Variants in NRG1 observed in about 807,000 individuals in gnomAD.
NRG1 encodes the protein neuregulin 1, also known as pro-neuregulin-1, membrane-bound isoform.
NRG1 carries 18 observed loss-of-function variants against 63.8 expected under a neutral mutation model. The ratio of observed to expected loss-of-function variants is 0.28; its 90% CI spans 0.19 to 0.42. The LOEUF (loss-of-function observed/expected upper bound fraction) is 0.42, where lower values mean the gene tolerates loss of function less well. Ranked by LOEUF, NRG1 falls within the 10% of genes least tolerant of loss-of-function variation. The pLI, the probability that NRG1 is intolerant of heterozygous loss-of-function variation, is 1.00. For missense variants in NRG1, 762 were observed against 814.7 expected, an observed-to-expected ratio of 0.94 and a Z score of 0.79; for synonymous variants, 302 against 301.3, an observed-to-expected ratio of 1.00 and a Z score of -0.02.
intron 11 of NRG1, chr8:32,763,156 C>A: frequency 6.5e-7 from 1 of 1,540,296 alleles, no homozygotes. Context: ...GAAAAGCACA[C>A]AAATGTATGA....
chr8:31,872,675 TC>T (rs1449998658), intron 1 of NRG1, among the ~76,000 whole-genome samples: 1 of 152,204 alleles, frequency 6.6e-6, no homozygotes, highest in Non-Finnish European at 1.5e-5. Context: ...GTGGATAACC[TC>T]AATTTATTCA....
chr8:32,733,716 G>A (rs376774119), intron 6 of NRG1, among the ~76,000 whole-genome samples: 13 of 152,070 alleles, frequency 8.5e-5, no homozygotes, highest in African/African-American at 3.1e-4. Flanking sequence ...AACTCAGTCT[G>A]TTAAAGAAAA....
chr8:32,763,276 A>T, intron 11 of NRG1: 2 of 1,614,062 alleles, frequency 1.2e-6, no homozygotes, highest in Non-Finnish European at 1.7e-6. Context: ...ATGCATGCAG[A>T]TCCAGCTATC....
intron 1 of NRG1, among the ~76,000 whole-genome samples, chr8:31,909,223 C>T (rs887575027): frequency 9.9e-5 from 15 of 152,162 alleles, no homozygotes; most frequent in African/African-American, 2.7e-4. Context: ...AACAATAATA[C>T]TGCCTTACCA....
chr8:32,605,792 A>T, intron 3 of NRG1, 109 bp downstream of exon 3: 1 of 1,262,052 alleles, frequency 7.9e-7, no homozygotes, highest in South Asian at 1.5e-5. Flanking sequence ...TGAACAAATT[A>T]AAAACAGAGA....
intron 7 of NRG1, among the ~76,000 whole-genome samples, chr8:32,746,165 T>C (rs1827383195): frequency 7.3e-6 from 1 of 137,856 alleles, no homozygotes. Context: ...AATTTGAAAC[T>C]TAAGGAGAAA....
chr8:32,372,730 C>T (rs552466069), intron 1 of NRG1, among the ~76,000 whole-genome samples: 1 of 152,290 alleles, frequency 6.6e-6, no homozygotes, highest in African/African-American at 2.4e-5. Flanking sequence ...TCACTTCCTA[C>T]TAGAATAGCA....
At chr8:32,678,739 G>A (rs1807837305) in intron 5 of NRG1, among the ~76,000 whole-genome samples, 1 of 152,176 alleles carries the variant, frequency 6.6e-6, no homozygotes, top group South Asian at 2.1e-4. Context: ...AGGACAATAA[G>A]TAGATAACCA....
chr8:31,782,372 C>A (rs1199066791), intron 1 of NRG1, among the ~76,000 whole-genome samples: 2 of 152,088 alleles, frequency 1.3e-5, no homozygotes, highest in East Asian at 1.9e-4. Context: ...AGCACCCCAC[C>A]AGCATTGCCT....
intron 1 of NRG1, among the ~76,000 whole-genome samples, chr8:31,746,486 A>T (rs1815879760): frequency 6.6e-6 from 1 of 151,988 alleles, no homozygotes; most frequent in Non-Finnish European, 1.5e-5. Context: ...AAAGGAGTTA[A>T]AGATGTAGTC....
chr8:32,252,487 A>G (rs1043715731), intron 1 of NRG1, among the ~76,000 whole-genome samples: 1 of 152,074 alleles, frequency 6.6e-6, no homozygotes, highest in African/African-American at 2.4e-5. Flanking sequence ...TCAGGTTTGT[A>G]AAAAATCAGA....
intron 1 of NRG1, among the ~76,000 whole-genome samples, chr8:31,777,993 A>G (rs1192798688): frequency 3.3e-5 from 5 of 152,118 alleles, no homozygotes; most frequent in Non-Finnish European, 4.4e-5. Flanking sequence ...TCCAAACTCT[A>G]TTATCCCCAT....
At chr8:31,937,179 A>C in intron 1 of NRG1, among the ~76,000 whole-genome samples, 1 of 152,330 alleles carries the variant, frequency 6.6e-6, no homozygotes, top group East Asian at 1.9e-4. Context: ...CAGTTCCAAC[A>C]CATCTTGTCA....
intron 1 of NRG1, among the ~76,000 whole-genome samples, chr8:31,697,077 T>C (rs934919763): frequency 7.2e-5 from 11 of 152,174 alleles, no homozygotes; most frequent in African/African-American, 2.7e-4. Flanking sequence ...TCCAAATCTG[T>C]GAAGTTTTCT....
chr8:32,688,997 G>T (rs1252320480), intron 5 of NRG1, among the ~76,000 whole-genome samples: 2 of 152,058 alleles, frequency 1.3e-5, no homozygotes, highest in African/African-American at 2.4e-5. Flanking sequence ...GTGCCTTGTG[G>T]CCCAGATGTT....
At chr8:32,178,176 C>T (rs925802836) in intron 1 of NRG1, among the ~76,000 whole-genome samples, 1 of 152,062 alleles carries the variant, frequency 6.6e-6, no homozygotes, top group African/African-American at 2.4e-5. Context: ...GGAATGGTTA[C>T]TTAGATTGAG....
chr8:32,091,102 A>T (rs1194094363), intron 1 of NRG1, among the ~76,000 whole-genome samples: 1 of 151,934 alleles, frequency 6.6e-6, no homozygotes, highest in East Asian at 1.9e-4. Context: ...ACACGGTGAA[A>T]CCTGTCTCTA....
intron 5 of NRG1, among the ~76,000 whole-genome samples, chr8:32,720,082 G>T (rs1314608069): frequency 6.6e-6 from 1 of 152,070 alleles, no homozygotes; most frequent in East Asian, 1.9e-4. Flanking sequence ...TGACCTTTCA[G>T]CTACTTTCAT....
At chr8:31,655,453 G>A (rs1429988429) in intron 1 of NRG1, among the ~76,000 whole-genome samples, 1 of 152,186 alleles carries the variant, frequency 6.6e-6, no homozygotes, top group Non-Finnish European at 1.5e-5. Flanking sequence ...GGGAGGAGGG[G>A]AAAGGAGGAG....
Sources: allele counts gnomAD v4.1 joint callset (sites outside exome capture counted in the v4.1 genomes callset), GRCh38; gene constraint gnomAD v4.1.1; transcripts MANE v1.5; gene names NCBI Gene and HGNC (gene_info 2026-07-23, HGNC 2026-07-21).